Variants in ARHGAP32 observed in about 807,000 individuals in gnomAD.
ARHGAP32 encodes the protein Rho GTPase activating protein 32, also known as rho GTPase-activating protein 32.
In ARHGAP32, 51 loss-of-function variants were observed where a neutral mutation model predicts 186.5. That is an observed-to-expected ratio of 0.27 (90% CI 0.22 to 0.35). The LOEUF (loss-of-function observed/expected upper bound fraction) is 0.35. Among genes scored for constraint, ARHGAP32 ranks in the 10% least tolerant of loss-of-function variants. The probability of loss-of-function intolerance (pLI) is 1.00; values close to 1 mark genes in which losing one functional copy is unlikely to be tolerated. For synonymous variants in ARHGAP32, 950 were observed against 964.3 expected (o/e 0.99, Z 0.27); for missense variants, 2,186 against 2,623.5 (o/e 0.83, Z 3.64).
intron 15 of ARHGAP32, 159 bp downstream of exon 15, chr11:128,985,844 G>GTATA (rs1331337420): frequency 8.1e-6 from 1 of 123,126 alleles, no homozygotes; most frequent in African/African-American, 4.4e-5. Flanking sequence ...GTGTGTGTGT[G>GTATA]TGTGTGTGTG....
At chr11:129,074,118 G>A (rs1940961695) in intron 6 of ARHGAP32, among the ~76,000 whole-genome samples, 1 of 152,158 alleles carries the variant, frequency 6.6e-6, no homozygotes, top group South Asian at 2.1e-4. Context: ...AAATGACACA[G>A]ATCAGAAACC....
chr11:129,206,243 ACTCTGT>A (rs1396097581), intron 1 of ARHGAP32, among the ~76,000 whole-genome samples: 344 of 152,180 alleles, frequency 2.3e-3, no homozygotes, highest in African/African-American at 8.1e-3. Context: ...ACATGGTCTC[ACTCTGT>A]CACCCAGGCT....
chr11:129,183,774 A>C (rs1439319961), intron 1 of ARHGAP32, among the ~76,000 whole-genome samples: 2 of 148,092 alleles, frequency 1.4e-5, no homozygotes, highest in Non-Finnish European at 2.9e-5. Flanking sequence ...AGACCCACCA[A>C]ATTGCATGAA....
In ARHGAP32 at chr11:128,973,006, T is replaced by A; in HGVS notation, c.3500A>T (p.His1167Leu). The A allele has an allele frequency of 6.2e-7, 1 of 1,614,096 alleles. No homozygotes were observed. The change falls in exon 22 of 23, where the codon CAT becomes CTT. Residue 1167 changes from histidine (H) to leucine (L), a missense_variant. His to Leu is a moderately conservative substitution (Grantham distance 99). This residue lies in a region of ARHGAP32 where 1,502 missense variants were observed against 1,570.0 expected (regional missense o/e 0.96). Transcript: ENST00000682385. ...HQVDLTGNQP[H>L]QAYLSGDPEK... ...TGGGTCCCCAGATAAATATGCTTGA[T>A]GTGGCTGATTCCCTGTTAAGTCTAC... is the stretch of plus-strand genomic sequence containing the variant.
chr11:129,239,463 G>A (rs1175409712), intron 1 of ARHGAP32, among the ~76,000 whole-genome samples: 1 of 152,134 alleles, frequency 6.6e-6, no homozygotes, highest in Non-Finnish European at 1.5e-5. Flanking sequence ...AGCTGTCCCA[G>A]AAGTGAGGCC....
chr11:129,034,575 T>C (rs760389112), intron 11 of ARHGAP32, among the ~76,000 whole-genome samples: 4 of 151,870 alleles, frequency 2.6e-5, no homozygotes, highest in Non-Finnish European at 5.9e-5. Flanking sequence ...ATAGCAATTA[T>C]TGTAAAAAGA....
chr11:129,104,394 G>A (rs561172861), intron 5 of ARHGAP32, among the ~76,000 whole-genome samples: 1 of 152,084 alleles, frequency 6.6e-6, no homozygotes, highest in South Asian at 2.1e-4. Context: ...TATTCTAAAT[G>A]CTGATACTTT....
rs747214917 is a variant in ARHGAP32 at position 128,969,004 on chromosome 11, G to C, written c.6209C>G (p.Pro2070Arg). The change falls in exon 23 of 23, where the codon CCA (proline) becomes CGA (arginine). Residue 2070 changes from proline (P) to arginine (R), a missense_variant. Around this residue, in one of 5 missense-constraint regions of ARHGAP32, gnomAD observed 1,502 missense variants for 1,570.0 expected, o/e 0.96. Transcript: ENST00000682385. This position sits in a 1 kb window ranked among gnomAD's most constrained non-coding sequence, Gnocchi z 4.8. ...CGCTGTAGCATAGGTCCTGCTCTGT[G>C]GATGGGGAAAGCCAGGGGGCACATA... ...GTYVPPGFPH[P>R]QSRTYATALG... 6.2e-7 allele frequency: 1 copy of C among 1,610,382 alleles called. No homozygotes were observed. The highest frequency in any genetic ancestry group is 8.5e-7 in the Non-Finnish European group (1 of 1,177,650).
chr11:129,184,568 T>C (rs1303131845), intron 1 of ARHGAP32, among the ~76,000 whole-genome samples: 1 of 151,656 alleles, frequency 6.6e-6, no homozygotes, highest in East Asian at 1.9e-4. Context: ...CAAAGTAAAA[T>C]GTAAAAAGAA....
intron 6 of ARHGAP32, among the ~76,000 whole-genome samples, chr11:129,068,034 C>T (rs1940752542): frequency 6.6e-6 from 1 of 152,026 alleles, no homozygotes; most frequent in South Asian, 2.1e-4. Flanking sequence ...AGCAATGTGA[C>T]TGAGACTTTT....
At chr11:129,138,345 C>T (rs1402374996) in intron 2 of ARHGAP32, among the ~76,000 whole-genome samples, 2 of 148,106 alleles carry the variant, frequency 1.4e-5, no homozygotes, top group Admixed American at 6.7e-5. Context: ...AGTAGAGCAT[C>T]TCTAACAAGG....
intron 11 of ARHGAP32, among the ~76,000 whole-genome samples, chr11:129,025,871 G>T (rs1393624143): frequency 6.8e-6 from 1 of 147,956 alleles, no homozygotes; most frequent in Non-Finnish European, 1.5e-5. Context: ...TATTATTTAA[G>T]TAATATATGT....
intron 11 of ARHGAP32, among the ~76,000 whole-genome samples, chr11:129,014,386 T>C (rs371479858): frequency 2.6e-4 from 40 of 152,300 alleles, no homozygotes; most frequent in African/African-American, 9.4e-4. Flanking sequence ...ACCAGCGTAA[T>C]ACTTCCCCAG....
At chr11:129,088,409 G>GT (rs1941473591) in intron 6 of ARHGAP32, among the ~76,000 whole-genome samples, 1 of 151,922 alleles carries the variant, frequency 6.6e-6, no homozygotes, top group South Asian at 2.1e-4. Context: ...GTGAAACCCC[G>GT]TCTCTACTAA....
chr11:129,131,669 C>T (rs1359064431), intron 2 of ARHGAP32, among the ~76,000 whole-genome samples: 1 of 152,146 alleles, frequency 6.6e-6, no homozygotes. Flanking sequence ...TCCCACCAGG[C>T]CCCTCCTCCA....
chr11:129,158,280 C>T (rs553771125), intron 2 of ARHGAP32, among the ~76,000 whole-genome samples: 1 of 151,140 alleles, frequency 6.6e-6, no homozygotes, highest in East Asian at 1.9e-4. Context: ...CACAGACTGG[C>T]AAACTGGATA....
intron 1 of ARHGAP32, among the ~76,000 whole-genome samples, chr11:129,206,926 C>T (rs2135585022): frequency 6.6e-6 from 1 of 152,074 alleles, no homozygotes; most frequent in South Asian, 2.1e-4. Flanking sequence ...CCCAACAGGC[C>T]CCGGTGTGTG....
intron 1 of ARHGAP32, among the ~76,000 whole-genome samples, chr11:129,167,691 ATTAG>A (rs977556878): frequency 1.3e-5 from 2 of 152,232 alleles, no homozygotes; most frequent in African/African-American, 4.8e-5. Flanking sequence ...CAAAAATTAT[ATTAG>A]TTGTTTCCAG....
At chr11:129,231,494 C>G (rs1187232820) in intron 1 of ARHGAP32, among the ~76,000 whole-genome samples, 2 of 152,110 alleles carry the variant, frequency 1.3e-5, no homozygotes, top group Non-Finnish European at 2.9e-5. Flanking sequence ...GTCCTGGTTC[C>G]AGTAACAGTG....
Sources: gnomAD v4.1 joint callset for allele counts (sites outside exome capture counted in the v4.1 genomes callset) on GRCh38, gnomAD v4.1.1 for gene constraint, gnomAD v4.1.1 regional missense constraint, Gnocchi (gnomAD v3.1) non-coding constraint, MANE v1.5 for transcripts, NCBI Gene and HGNC (gene_info 2026-07-23, HGNC 2026-07-21) for gene names.